Variants in CSE1L observed in about 807,000 individuals in gnomAD.
CSE1L encodes the protein chromosome segregation 1 like.
A neutral mutation model predicts 120.4 loss-of-function variants in CSE1L; 24 were observed. That is an observed-to-expected ratio of 0.20 (90% CI 0.14 to 0.28). The LOEUF is 0.28. Among genes scored for constraint, CSE1L ranks in the 10% least tolerant of loss-of-function variants. The pLI is 1.00. For synonymous variants in CSE1L, 402 were observed against 398.3 expected (o/e 1.01, Z -0.11); for missense variants, 830 against 1,145.2 (o/e 0.72, Z 3.97).
At chr20:49,068,906 G>T in intron 7 of CSE1L, 84 bp downstream of exon 7, 1 of 960,714 alleles carries the variant, frequency 1.0e-6, no homozygotes, top group Non-Finnish European at 1.6e-6. Context: ...AGACTTCTTT[G>T]CCAGCATTGA....
rs1382061681 is a variant in CSE1L, at chr20:49,084,059, C to T, written c.1516C>T (p.Leu506Phe). The T allele has an allele frequency of 6.2e-7, 1 of 1,613,708 alleles. No individual in the cohort carries two copies. The highest frequency in any genetic ancestry group is 8.5e-7 in the Non-Finnish European group (1 of 1,179,794). The change falls in exon 15 of 25, where the codon CTC (leucine) becomes TTC (phenylalanine). Residue 506 changes from leucine to phenylalanine, a missense_variant. Physicochemically the swap from Leu to Phe is conservative, Grantham distance 22. Around this residue, in one of 4 missense-constraint regions of CSE1L, gnomAD observed 543 missense variants for 640.2 expected, o/e 0.85. Coordinates refer to ENST00000262982, the MANE Select transcript of CSE1L (RefSeq NM_001316.4). ...PKEHLLVSIP[L>F]LINHLQAESI... ...AGAACATCTTTTAGTCTCGATTCCTCTCTTGATTAATCATCTTCAAGCTGA... is the reference window on the plus strand; with the variant it reads ...AGAACATCTTTTAGTCTCGATTCCTTTCTTGATTAATCATCTTCAAGCTGA...
At chr20:49,085,512 G>T in intron 16 of CSE1L, 126 bp downstream of exon 16, 3 of 300,084 alleles carry the variant, frequency 1.0e-5, no homozygotes, top group Non-Finnish European at 1.2e-5. Context: ...TAGTAAGTTA[G>T]TTTAGATATT....
chr20:49,058,622 T>C, intron 2 of CSE1L, 74 bp downstream of exon 2: 1 of 1,115,066 alleles, frequency 9.0e-7, no homozygotes, highest in Non-Finnish European at 1.3e-6. Context: ...ATTATCTGCC[T>C]CCTTATAAAT....
At chr20:49,057,788 T>A (rs1426692247) in intron 1 of CSE1L, among the ~76,000 whole-genome samples, 3 of 152,118 alleles carry the variant, frequency 2.0e-5, no homozygotes, top group Non-Finnish European at 4.4e-5. Context: ...CCTGCCACCA[T>A]GTCCAGCTAA....
chr20:49,048,066 T>C (rs1473493407), intron 1 of CSE1L, among the ~76,000 whole-genome samples: 1 of 152,116 alleles, frequency 6.6e-6, no homozygotes, highest in Non-Finnish European at 1.5e-5. Flanking sequence ...CCCTTTAGTC[T>C]TGGATTCCAC....
intron 6 of CSE1L, among the ~76,000 whole-genome samples, chr20:49,068,389 C>T (rs1024213226): frequency 6.6e-6 from 1 of 152,088 alleles, no homozygotes; most frequent in Non-Finnish European, 1.5e-5. Context: ...GAGATCGAGA[C>T]CACCATGGCT....
chr20:49,074,044 A>G (rs1254555811), intron 10 of CSE1L, among the ~76,000 whole-genome samples: 1 of 151,874 alleles, frequency 6.6e-6, no homozygotes, highest in Non-Finnish European at 1.5e-5. Context: ...GCAAAACCTT[A>G]TCTCTACAAT....
chr20:49,072,993 A>C (rs2091943841), intron 10 of CSE1L, among the ~76,000 whole-genome samples: 1 of 152,140 alleles, frequency 6.6e-6, no homozygotes, highest in Non-Finnish European at 1.5e-5. Flanking sequence ...ATTTCAATGA[A>C]TTTTTAGCTG....
intron 21 of CSE1L, among the ~76,000 whole-genome samples, chr20:49,091,349 C>T (rs1386097737): frequency 6.6e-6 from 1 of 151,636 alleles, no homozygotes; most frequent in Non-Finnish European, 1.5e-5. Flanking sequence ...CACCTAAGTC[C>T]CAGAGGTTGA....
At chr20:49,076,513 T>G (rs996302062) in intron 12 of CSE1L, among the ~76,000 whole-genome samples, 1 of 133,136 alleles carries the variant, frequency 7.5e-6, no homozygotes, top group Admixed American at 7.7e-5. Flanking sequence ...GAAGTGTCCC[T>G]CTCTCTCTTT....
Position 49,072,710 on chromosome 20 carries a change from A to C in CSE1L, c.1066+13A>C, listed in dbSNP as rs745346113. 1 of 1,599,990 alleles carries C rather than the reference A, an allele frequency of 6.3e-7. No homozygotes were observed. Among genetic ancestry groups the C allele is most frequent in the Non-Finnish European group, 8.5e-7 (1 of 1,175,022 alleles). ...ATGGAATTTAGAGGTAATTATGGCA[A>C]AAGTATATTAGTATAAATCTACTAA... On this transcript the variant is annotated intron_variant, in intron 10 of 24. Transcript: ENST00000262982.
intron 17 of CSE1L, among the ~76,000 whole-genome samples, 193 bp from the exon 18 acceptor site, chr20:49,089,052 ACT>A (rs1356712099): frequency 2.0e-5 from 3 of 151,934 alleles, no homozygotes; most frequent in African/African-American, 7.3e-5. Flanking sequence ...CAACTCTGTA[ACT>A]CTGAAGTATT....
At chr20:49,047,902 G>C (rs1452904346) in intron 1 of CSE1L, among the ~76,000 whole-genome samples, 1 of 151,980 alleles carries the variant, frequency 6.6e-6, no homozygotes, top group Non-Finnish European at 1.5e-5. Context: ...TTGCTTACTT[G>C]TTATCTTTCT....
intron 17 of CSE1L, among the ~76,000 whole-genome samples, chr20:49,088,401 A>G (rs1475577682): frequency 6.6e-6 from 1 of 152,246 alleles, no homozygotes; most frequent in Non-Finnish European, 1.5e-5. Context: ...AAATGGAGTT[A>G]AGTAGGCTTT....
chr20:49,059,016 A>G (rs1307546830), intron 2 of CSE1L, among the ~76,000 whole-genome samples: 2 of 152,038 alleles, frequency 1.3e-5, no homozygotes, highest in Non-Finnish European at 2.9e-5. Context: ...CTGTGGTCCC[A>G]GCTACTCAGG....
chr20:49,093,562 CTCTTT>C (rs1267032702), intron 22 of CSE1L, among the ~76,000 whole-genome samples: 6 of 123,216 alleles, frequency 4.9e-5, no homozygotes, highest in Non-Finnish European at 9.7e-5. Context: ...TTGCTCCTCT[CTCTTT>C]TTTTTTTTTT....
Position 49,091,002 on chromosome 20 carries a change from A to G in CSE1L, c.2345A>G (p.Lys782Arg), listed in dbSNP as rs139664090. The change falls in exon 21 of 25, where the codon AAA becomes AGA. Residue 782 changes from lysine (K) to arginine (R), a missense_variant. Lys to Arg is a conservative substitution (Grantham distance 26). Transcript: ENST00000262982. ...CTATTCCAGAGACTTCAGAATTCCA[A>G]AACAACCAAGTTTATCAAGAGTAAG... ...ILLFQRLQNS[K>R]TTKFIKSFLV... 9.2e-5 allele frequency: 148 copies of G among 1,607,866 alleles called. No homozygotes were observed. The highest frequency in any genetic ancestry group is 1.4e-5 in the Non-Finnish European group (17 of 1,174,874).
chr20:49,062,044 C>T (rs1370409220), intron 2 of CSE1L, among the ~76,000 whole-genome samples: 1 of 152,152 alleles, frequency 6.6e-6, no homozygotes, highest in Non-Finnish European at 1.5e-5. Context: ...CAGACTCAAA[C>T]TCACTTCCTG....
At chr20:49,072,755 A>G (rs2091942319) in intron 10 of CSE1L, 58 bp downstream of exon 10, 1 of 1,474,818 alleles carries the variant, frequency 6.8e-7, no homozygotes, top group African/African-American at 1.4e-5. Flanking sequence ...TGTTTTTTGT[A>G]ACATATTCAG....
Sources: allele counts gnomAD v4.1 joint callset (sites outside exome capture counted in the v4.1 genomes callset), GRCh38; gene constraint gnomAD v4.1.1; regional missense constraint gnomAD v4.1.1; transcripts MANE v1.5; gene names NCBI Gene and HGNC (gene_info 2026-07-23, HGNC 2026-07-21).